GLI2: variants seen among roughly 807,000 people sequenced by gnomAD.
GLI2 encodes the protein transcription activator GLI2.
Under a neutral mutation model 78.9 loss-of-function variants are expected in GLI2, and 22 were observed. The ratio of observed to expected loss-of-function variants is 0.28; its 90% CI spans 0.20 to 0.40. The LOEUF (loss-of-function observed/expected upper bound fraction) is 0.40. Among genes scored for constraint, GLI2 ranks in the 10% least tolerant of loss-of-function variants. The pLI is 1.00. For synonymous variants in GLI2, 974 were observed against 963.7 expected (o/e 1.01, Z -0.20); for missense variants, 2,097 against 2,213.2 (o/e 0.95, Z 1.05).
chr2:120,929,022 G>A (rs1679824385), intron 3 of GLI2, among the ~76,000 whole-genome samples: 1 of 152,178 alleles, frequency 6.6e-6, no homozygotes, highest in Non-Finnish European at 1.5e-5. Flanking sequence ...GTCATCTCCT[G>A]TCTGGGACGG....
intron 2 of GLI2, among the ~76,000 whole-genome samples, chr2:120,805,312 C>T (rs1413997702): frequency 6.6e-6 from 1 of 152,242 alleles, no homozygotes; most frequent in Non-Finnish European, 1.5e-5. Flanking sequence ...TGTTTCACGT[C>T]ACCTCTGTGT....
Position 120,975,110 on chromosome 2 carries a change from G to A in GLI2, c.1317+1G>A. 6.2e-7 allele frequency: 1 copy of A among 1,613,748 alleles called. No homozygotes were observed. The highest frequency in any genetic ancestry group is 8.5e-7 in the Non-Finnish European group (1 of 1,179,994). ...CGACACCCAGGAGCAGCTGGTGCAT[G>A]TAAGCTTTTGAACCCCAGCAGCCCG... On this transcript the variant is annotated splice_donor_variant, in intron 9 of 13. Transcript: ENST00000361492. LOFTEE classifies it high-confidence loss of function.
chr2:120,837,165 C>A (rs565515106), intron 2 of GLI2, among the ~76,000 whole-genome samples: 1 of 152,060 alleles, frequency 6.6e-6, no homozygotes, highest in Non-Finnish European at 1.5e-5. Context: ...GAGGCCGAGG[C>A]GGGCGGATCA....
At chr2:120,776,517 C>T (rs2104664373) in intron 1 of GLI2, among the ~76,000 whole-genome samples, 1 of 152,278 alleles carries the variant, frequency 6.6e-6, no homozygotes, top group East Asian at 1.9e-4. Context: ...CCTTTCCTTG[C>T]CCTAGACACA....
At chr2:120,946,304 C>T (rs1055445277) in intron 3 of GLI2, among the ~76,000 whole-genome samples, 4 of 152,134 alleles carry the variant, frequency 2.6e-5, no homozygotes, top group South Asian at 2.1e-4. Flanking sequence ...CAGGCTCAGA[C>T]GAGCTCTGAG....
At chr2:120,749,576 G>A (rs983975198) in intron 1 of GLI2, among the ~76,000 whole-genome samples, 1 of 152,190 alleles carries the variant, frequency 6.6e-6, no homozygotes, top group African/African-American at 2.4e-5. Context: ...CAGGCGGCAG[G>A]CCATTGTGCC....
chr2:120,737,557 C>T lies in GLI2; in HGVS notation c.-31+1272C>T, dbSNP rs747604752. On this transcript the variant is annotated intron_variant, in intron 1 of 13. Coordinates refer to ENST00000361492, the MANE Select transcript of GLI2 (RefSeq NM_001374353.1). The surrounding 1 kb of genome is among the most constrained non-coding windows in gnomAD (Gnocchi z 4.3). ...GTCTTGTAGGCGTCCCTCTGTCCCC[C>T]AGCCCGGGCATCCCGCTCGGTGCGC... is the stretch of plus-strand genomic sequence containing the variant. Among the ~76,000 whole-genome samples, 3 of 152,222 alleles carry T rather than the reference C, an allele frequency of 2.0e-5. No individual in the cohort carries two copies. The East Asian group carries it at 5.8e-4, about 29-fold the overall frequency.
chr2:120,805,049 T>C (rs1468133161), intron 2 of GLI2, among the ~76,000 whole-genome samples: 2 of 152,166 alleles, frequency 1.3e-5, no homozygotes, highest in Non-Finnish European at 2.9e-5. Context: ...GTCTGCAGGG[T>C]GGCTAGCAGA....
intron 4 of GLI2, among the ~76,000 whole-genome samples, chr2:120,952,413 C>T (rs1021578060): frequency 3.3e-5 from 5 of 152,246 alleles, no homozygotes; most frequent in African/African-American, 1.2e-4. Flanking sequence ...GAGAGGAATG[C>T]ATCCTCTTCC....
At position 120,989,405 on chromosome 2, in the gene GLI2, C is replaced by A. The variant is rs1357654147; in HGVS notation, c.3440C>A (p.Pro1147Gln). Residue 1147 changes from proline (P) to glutamine (Q), a missense_variant, in exon 14 of 14, where the codon CCA (proline) becomes CAA (glutamine). Coordinates refer to ENST00000361492, the MANE Select transcript of GLI2 (RefSeq NM_001374353.1). ...GCCCTGGCCAGCCAGGTGAAGCCTC[C>A]ACCCTTTCCTCAGGGCAACCTGGCG... Reference protein sequence around the residue: ...VDALASQVKPPPFPQGNLAVV... With the variant: ...VDALASQVKPQPFPQGNLAVV... 3 of 1,613,076 alleles carry A rather than the reference C, an allele frequency of 1.9e-6. No individual in the cohort carries two copies. The highest frequency in any genetic ancestry group is 2.5e-6 in the Non-Finnish European group (3 of 1,179,980).
intron 2 of GLI2, among the ~76,000 whole-genome samples, chr2:120,875,758 G>A (rs918815993): frequency 6.6e-6 from 1 of 151,612 alleles, no homozygotes; most frequent in Non-Finnish European, 1.5e-5. Context: ...CACATGGAAG[G>A]CAACAAAACG....
Position 120,988,443 on chromosome 2 carries a change from C to G in GLI2, c.2478C>G (p.Ala826=), listed in dbSNP as rs775750525. 3 of 1,572,188 alleles carry G rather than the reference C, an allele frequency of 1.9e-6. No homozygotes were observed. Among genetic ancestry groups the G allele is most frequent in the African/African-American group, 1.4e-5 (1 of 72,080 alleles). Residue 826 remains alanine, a synonymous_variant, in exon 14 of 14, where the codon GCC becomes GCG. Coordinates refer to ENST00000361492, the MANE Select transcript of GLI2 (RefSeq NM_001374353.1). ...RRSSEASPLG[A]GRPHNASSAD... ...CCAGCGAGGCCTCGCCCCTGGGCGC[C>G]GGCCGCCCGCACAACGCGAGCTCCG...
intron 7 of GLI2, 49 bp downstream of exon 7, chr2:120,970,655 CAT>C: frequency 6.9e-7 from 1 of 1,447,880 alleles, no homozygotes; most frequent in Non-Finnish European, 9.7e-7. Flanking sequence ...CATCTGGACA[CAT>C]GAGGGTTGTT....
intron 2 of GLI2, among the ~76,000 whole-genome samples, chr2:120,846,822 G>A (rs1687137871): frequency 6.6e-6 from 1 of 152,236 alleles, no homozygotes; most frequent in South Asian, 2.1e-4. Flanking sequence ...GCATCTCAGA[G>A]TTGCTGTGCA....
chr2:120,907,372 T>A (rs2104801450), intron 2 of GLI2, among the ~76,000 whole-genome samples: 1 of 152,216 alleles, frequency 6.6e-6, no homozygotes, highest in South Asian at 2.1e-4. Flanking sequence ...CCAGAGAAAC[T>A]TCCCTGACCT....
In GLI2 at chr2:120,982,820, C is replaced by T; in HGVS notation, c.1572C>T (p.Asn524=). Reference sequence around the variant, plus strand: ...ATGTGTGTGAGCACGAGGGCTGCAACAAAGCCTTCTCCAACGCCTCGGACC... The same window carrying T: ...ATGTGTGTGAGCACGAGGGCTGCAATAAAGCCTTCTCCAACGCCTCGGACC... ...KPYVCEHEGC[N]KAFSNASDRA... The change falls in exon 11 of 14, where the codon AAC becomes AAT. Residue 524 remains asparagine (N), a synonymous_variant. Transcript: ENST00000361492. 4 of 1,614,178 alleles carry T rather than the reference C, an allele frequency of 2.5e-6. No homozygotes were observed. The highest frequency in any genetic ancestry group is 3.4e-6 in the Non-Finnish European group (4 of 1,180,000).
At chr2:120,964,388 A>G (rs1228892833) in intron 5 of GLI2, among the ~76,000 whole-genome samples, 1 of 152,230 alleles carries the variant, frequency 6.6e-6, no homozygotes, top group Non-Finnish European at 1.5e-5. Flanking sequence ...GGGAGAGGGC[A>G]GGGACATGAT....
intron 11 of GLI2, among the ~76,000 whole-genome samples, chr2:120,983,946 G>GGGGGTGT (rs112474343): frequency 2.3e-4 from 33 of 143,210 alleles, no homozygotes; most frequent in African/African-American, 7.3e-4. Context: ...TGGTGTGTGG[G>GGGGGTGT]GTGTGTGTGT....
rs751479955 is a variant in GLI2 at position 120,737,963 on chromosome 2, TC to T, written c.-31+1679del. On this transcript the variant is annotated intron_variant, in intron 1 of 13. Transcript: ENST00000361492. The surrounding 1 kb of genome is among the most constrained non-coding windows in gnomAD (Gnocchi z 4.3). ...TTCCAGCCACCTCACCTGCCAGCTTTCTCTCCGCCCATTTCCTTACCTTGCT... is the reference window on the plus strand; with the variant it reads ...TTCCAGCCACCTCACCTGCCAGCTTTTCTCCGCCCATTTCCTTACCTTGCT... Among the ~76,000 whole-genome samples the T allele has an allele frequency of 6.6e-6, 1 of 152,202 alleles. No individual in the cohort carries two copies. Among genetic ancestry groups the T allele is most frequent in the Non-Finnish European group, 1.5e-5 (1 of 68,038 alleles).
Sources: gnomAD v4.1 joint callset for allele counts (sites outside exome capture counted in the v4.1 genomes callset) on GRCh38, gnomAD v4.1.1 for gene constraint, Gnocchi (gnomAD v3.1) non-coding constraint, MANE v1.5 for transcripts, NCBI Gene and HGNC (gene_info 2026-07-23, HGNC 2026-07-21) for gene names.